The following SLC2A13 variants were observed in gnomAD, a reference collection of about 807,000 sequenced individuals.
SLC2A13 encodes the protein solute carrier family 2 member 13, also known as proton myo-inositol cotransporter.
In SLC2A13, 32 loss-of-function variants were observed where a neutral mutation model predicts 64.4. The ratio of observed to expected loss-of-function variants is 0.50; its 90% CI spans 0.37 to 0.67. The LOEUF is 0.67. SLC2A13 is among the 30% of genes least tolerant of loss of function. The pLI is 0.00. For synonymous variants in SLC2A13, 338 were observed against 327.1 expected (o/e 1.03, Z -0.36); for missense variants, 743 against 829.2 (o/e 0.90, Z 1.28).
intron 3 of SLC2A13, among the ~76,000 whole-genome samples, chr12:40,019,316 GAT>G (rs766528135): frequency 2.6e-5 from 4 of 151,994 alleles, no homozygotes; most frequent in Admixed American, 6.6e-5. Context: ...AAGGACATTT[GAT>G]TGTTAGGTTC....
intron 4 of SLC2A13, among the ~76,000 whole-genome samples, chr12:39,937,717 T>C (rs1324576516): frequency 6.6e-6 from 1 of 152,186 alleles, no homozygotes; most frequent in Non-Finnish European, 1.5e-5. Flanking sequence ...AATTCACATC[T>C]GATTCAGGAA....
chr12:39,895,972 A>G lies in SLC2A13; in HGVS notation c.1035-24011T>C, dbSNP rs1944810023. 2.1e-5 allele frequency among the ~76,000 whole-genome samples: 3 copies of G among 145,112 alleles called. No individual in the cohort carries two copies. The East Asian group carries it at 5.9e-4, about 28-fold the overall frequency. ...CGTATATGTGTATATATACATGTGT[A>G]TATGTATACATACATTCATATATGT... is the stretch of plus-strand genomic sequence containing the variant. On this transcript the variant is annotated intron_variant, in intron 4 of 9. Transcript: ENST00000280871.
intron 4 of SLC2A13, among the ~76,000 whole-genome samples, chr12:39,881,304 T>C (rs557103322): frequency 7.2e-5 from 11 of 152,124 alleles, no homozygotes; most frequent in African/African-American, 2.7e-4. Context: ...AATTCATAGA[T>C]GACAATATGA....
intron 1 of SLC2A13, among the ~76,000 whole-genome samples, chr12:40,053,793 C>G (rs979156732): frequency 6.6e-6 from 1 of 152,142 alleles, no homozygotes; most frequent in Non-Finnish European, 1.5e-5. Context: ...CTGCCCAATA[C>G]GCACATGTTA....
intron 1 of SLC2A13, among the ~76,000 whole-genome samples, chr12:40,091,637 C>T (rs1938771631): frequency 1.3e-5 from 2 of 152,160 alleles, no homozygotes; most frequent in South Asian, 4.1e-4. Flanking sequence ...GTCTTTCTCT[C>T]CTTAACCAGA....
intron 7 of SLC2A13, among the ~76,000 whole-genome samples, chr12:39,796,338 C>T (rs1374629550): frequency 2.0e-5 from 3 of 151,404 alleles, no homozygotes; most frequent in Non-Finnish European, 2.9e-5. Flanking sequence ...GCCTGTAATC[C>T]CAGCTACTTG....
intron 5 of SLC2A13, among the ~76,000 whole-genome samples, chr12:39,871,472 T>C (rs1944052017): frequency 7.5e-6 from 1 of 133,114 alleles, no homozygotes; most frequent in Middle Eastern, 3.4e-3. Context: ...TTTTAGTTTT[T>C]CAAAAAAGGA....
intron 6 of SLC2A13, 60 bp downstream of exon 6, chr12:39,864,702 A>G: frequency 6.3e-7 from 1 of 1,593,816 alleles, no homozygotes; most frequent in Non-Finnish European, 8.6e-7. Context: ...AAAAAAGTTA[A>G]AAGCAAGCAA....
At chr12:40,006,411 G>C (rs1947419141) in intron 3 of SLC2A13, among the ~76,000 whole-genome samples, 1 of 152,026 alleles carries the variant, frequency 6.6e-6, no homozygotes, top group African/African-American at 2.4e-5. Context: ...TCAATAATAT[G>C]AATCTCTATC....
In SLC2A13 at chr12:39,895,809, TACGTACACAC is replaced by T. The variant is rs1312057624; in HGVS notation, c.1035-23858_1035-23849del. 2.3e-3 allele frequency among the ~76,000 whole-genome samples: 211 copies of T among 92,898 alleles called. 13 individuals are homozygous for T. Among genetic ancestry groups the T allele is most frequent in the East Asian group, 0.011 (27 of 2,494 alleles). The allele number at this position is 92,898 out of a possible 152,430, so 60.9% of individuals were successfully genotyped here. The stretch of plus-strand genomic sequence containing the variant: ...ACGTACACACATGTATATGCGTGTA[TACGTACACAC>T]ATGTATATGCGTGTATATGCACACA... On this transcript the variant is annotated intron_variant, in intron 4 of 9. Coordinates refer to ENST00000280871, the MANE Select transcript of SLC2A13 (RefSeq NM_052885.4).
At chr12:40,075,756 T>A (rs1325512822) in intron 1 of SLC2A13, among the ~76,000 whole-genome samples, 1 of 152,192 alleles carries the variant, frequency 6.6e-6, no homozygotes, top group Non-Finnish European at 1.5e-5. Context: ...AATATTGTCC[T>A]ACAAGTCCTT....
chr12:39,793,329 T>C (rs1262933369), intron 7 of SLC2A13, among the ~76,000 whole-genome samples: 1 of 152,110 alleles, frequency 6.6e-6, no homozygotes, highest in Non-Finnish European at 1.5e-5. Flanking sequence ...CTGAAAAATA[T>C]TAAAGACTAA....
At chr12:39,882,664 G>A (rs1246866922) in intron 4 of SLC2A13, among the ~76,000 whole-genome samples, 1 of 151,970 alleles carries the variant, frequency 6.6e-6, no homozygotes, top group African/African-American at 2.4e-5. Flanking sequence ...CAATCAGATG[G>A]GTGCTCCCCT....
chr12:40,017,313 G>C (rs561394798), intron 3 of SLC2A13, among the ~76,000 whole-genome samples: 36 of 152,288 alleles, frequency 2.4e-4, no homozygotes, highest in African/African-American at 7.9e-4. Context: ...TATCACAAAG[G>C]TTTCCAGGGA....
intron 1 of SLC2A13, among the ~76,000 whole-genome samples, chr12:40,051,756 T>C (rs1200394201): frequency 3.9e-5 from 6 of 152,044 alleles, no homozygotes; most frequent in African/African-American, 1.5e-4. Flanking sequence ...GAGGAAGGGG[T>C]GGCGGACTAC....
At chr12:39,961,372 C>A (rs558897588) in intron 3 of SLC2A13, among the ~76,000 whole-genome samples, 1 of 152,262 alleles carries the variant, frequency 6.6e-6, no homozygotes, top group South Asian at 2.1e-4. Context: ...AGCCACCACG[C>A]CTGGACTAAA....
chr12:39,887,515 A>T (rs1392852695), intron 4 of SLC2A13, among the ~76,000 whole-genome samples: 1 of 152,212 alleles, frequency 6.6e-6, no homozygotes, highest in Non-Finnish European at 1.5e-5. Flanking sequence ...GGGGATAAAA[A>T]AGGGAAGTAG....
intron 3 of SLC2A13, among the ~76,000 whole-genome samples, chr12:39,955,105 T>G (rs1481789185): frequency 6.6e-6 from 1 of 152,176 alleles, no homozygotes; most frequent in African/African-American, 2.4e-5. Flanking sequence ...TTACCTGAGG[T>G]AGATTATATT....
chr12:39,829,986 G>A (rs758165577), intron 7 of SLC2A13, 117 bp downstream of exon 7: 1 of 1,243,616 alleles, frequency 8.0e-7, no homozygotes, highest in Admixed American at 1.9e-5. Context: ...GCAAAGTAAT[G>A]TAGTTATGAA....
Sources: allele counts gnomAD v4.1 joint callset (sites outside exome capture counted in the v4.1 genomes callset), GRCh38; gene constraint gnomAD v4.1.1; transcripts MANE v1.5; gene names NCBI Gene and HGNC (gene_info 2026-07-23, HGNC 2026-07-21).